ABCA13: variants seen among roughly 807,000 people sequenced by gnomAD.
ABCA13 encodes the protein ATP-binding cassette sub-family A member 13.
A neutral mutation model predicts 478.7 loss-of-function variants in ABCA13; 476 were observed. That is an observed-to-expected ratio of 0.99 (90% CI 0.92 to 1.07). The LOEUF is 1.07. ABCA13 is among the 50% of genes least tolerant of loss of function. The probability of loss-of-function intolerance (pLI) is 0.00; values close to 1 mark genes in which losing one functional copy is unlikely to be tolerated. For missense variants in ABCA13, 6,060 were observed against 5,910.6 expected, an observed-to-expected ratio of 1.03 and a Z score of -0.83; for synonymous variants, 2,252 against 2,158.9, an observed-to-expected ratio of 1.04 and a Z score of -1.20.
chr7:48,298,621 G>C, intron 23 of ABCA13, 134 bp downstream of exon 23: 1 of 1,038,772 alleles, frequency 9.6e-7, no homozygotes. Flanking sequence ...CTGCACAAAT[G>C]ATATAATTGG....
chr7:48,331,086 A>T (rs1805323984), intron 27 of ABCA13, among the ~76,000 whole-genome samples: 1 of 152,238 alleles, frequency 6.6e-6, no homozygotes, highest in South Asian at 2.1e-4. Flanking sequence ...CTAAGAAAAT[A>T]ATTGATATAA....
rs997924019 is a variant in ABCA13, at chr7:48,261,347, C to T, written c.2006-7633C>T. On this transcript the variant is annotated intron_variant, in intron 15 of 61. Transcript: ENST00000435803. Reference sequence around the variant, plus strand: ...TTTTCCTTCTCACTGATAAACTTTACGTTTCTTTTTTAGTCCAAATATTCT... The same window carrying T: ...TTTTCCTTCTCACTGATAAACTTTATGTTTCTTTTTTAGTCCAAATATTCT... 3.3e-4 allele frequency among the ~76,000 whole-genome samples: 50 copies of T among 151,784 alleles called. 2 individuals are homozygous for T. Among genetic ancestry groups the T allele is most frequent in the African/African-American group, 1.1e-3 (47 of 41,394 alleles).
intron 52 of ABCA13, 105 bp downstream of exon 52, chr7:48,516,986 A>G: frequency 8.1e-7 from 1 of 1,235,260 alleles, no homozygotes; most frequent in South Asian, 1.6e-5. Context: ...TTCAATGGAA[A>G]TGCATTGGTA....
At chr7:48,422,683 A>T (rs1009793326) in intron 41 of ABCA13, among the ~76,000 whole-genome samples, 2 of 152,206 alleles carry the variant, frequency 1.3e-5, no homozygotes, top group Non-Finnish European at 2.9e-5. Flanking sequence ...TAGTTCTAGG[A>T]CAGGCTGGAT....
rs373582454 is a variant in ABCA13, at chr7:48,369,795, C to T, written c.10803+1887C>T. On this transcript the variant is annotated intron_variant, in intron 32 of 61. Transcript: ENST00000435803. The stretch of plus-strand genomic sequence containing the variant: ...TACCATGCTATTTTGGTGACTATGT[C>T]CTTATAGTATAGTTTGAAGTCGGAT... 1.9e-4 allele frequency among the ~76,000 whole-genome samples: 29 copies of T among 152,198 alleles called. No individual in the cohort carries two copies. In the South Asian group the frequency reaches 4.8e-3, roughly 25 times the overall value.
intron 49 of ABCA13, 142 bp from the exon 50 acceptor site, chr7:48,507,730 C>T (rs1831335833): frequency 1.0e-6 from 1 of 958,448 alleles, no homozygotes; most frequent in Non-Finnish European, 1.5e-6. Context: ...ATGAGGGAAT[C>T]CATGCCCTTA....
intron 3 of ABCA13, among the ~76,000 whole-genome samples, chr7:48,207,810 T>C (rs190496023): frequency 6.6e-6 from 1 of 152,130 alleles, no homozygotes; most frequent in South Asian, 2.1e-4. Flanking sequence ...GAGCTTGATG[T>C]GATCCATTTG....
chr7:48,637,036 C>T (rs1015967778), intron 59 of ABCA13, among the ~76,000 whole-genome samples: 2 of 151,972 alleles, frequency 1.3e-5, no homozygotes, highest in Admixed American at 6.6e-5. Context: ...ATTTGCAAAG[C>T]CTTTGAAAAT....
intron 1 of ABCA13, among the ~76,000 whole-genome samples, chr7:48,175,049 G>T (rs776386834): frequency 2.0e-5 from 3 of 152,166 alleles, no homozygotes; most frequent in Non-Finnish European, 4.4e-5. Context: ...TGGGCAGGTG[G>T]AGATCAGTTG....
chr7:48,523,233 A>G (rs1012783521), intron 53 of ABCA13, among the ~76,000 whole-genome samples: 11 of 152,166 alleles, frequency 7.2e-5, no homozygotes, highest in African/African-American at 2.7e-4. Context: ...GTATCTAGCT[A>G]TATTTTTCTC....
intron 35 of ABCA13, among the ~76,000 whole-genome samples, chr7:48,381,100 T>C (rs2129043350): frequency 6.6e-6 from 1 of 152,274 alleles, no homozygotes; most frequent in African/African-American, 2.4e-5. Flanking sequence ...ACTTCCCCTG[T>C]CTCCTGACTG....
chr7:48,568,784 A>T (rs1392937049), intron 55 of ABCA13, among the ~76,000 whole-genome samples: 1 of 151,514 alleles, frequency 6.6e-6, no homozygotes, highest in African/African-American at 2.4e-5. Context: ...TATTGTTTTT[A>T]TTATTATTAT....
At chr7:48,301,204 G>C (rs922282229) in intron 23 of ABCA13, among the ~76,000 whole-genome samples, 5 of 151,912 alleles carry the variant, frequency 3.3e-5, no homozygotes, top group African/African-American at 1.2e-4. Flanking sequence ...TCTCTTCTGG[G>C]AGGCTCCTTC....
In ABCA13 at chr7:48,229,931, C is replaced by A. The variant is rs777893798; in HGVS notation, c.739C>A (p.Gln247Lys). 6.2e-7 allele frequency: 1 copy of A among 1,613,840 alleles called. No homozygotes were observed. The highest frequency in any genetic ancestry group is 1.3e-5 in the African/African-American group (1 of 74,924). Residue 247 changes from glutamine to lysine, a missense_variant, in exon 7 of 62, where the codon CAG becomes AAG. Physicochemically the swap from Gln to Lys is moderately conservative, Grantham distance 53. Transcript: ENST00000435803. The part of the protein sequence containing the change: ...NVTISTLTFL[Q>K]QHGVAVTEPV... ...GACCATTTCGACACTGACATTTCTG[C>A]AGCAACATGGAGTAGCAGTCACCGG...
chr7:48,344,555 C>T (rs1173228381), intron 29 of ABCA13, among the ~76,000 whole-genome samples: 5 of 152,194 alleles, frequency 3.3e-5, no homozygotes, highest in African/African-American at 9.7e-5. Context: ...TTATGTCCAC[C>T]TATATGTGAA....
At chr7:48,453,042 A>G (rs1167392742) in intron 42 of ABCA13, among the ~76,000 whole-genome samples, 1 of 152,238 alleles carries the variant, frequency 6.6e-6, no homozygotes, top group African/African-American at 2.4e-5. Flanking sequence ...TATAAAATTT[A>G]GTTTAATGAC....
In ABCA13 at chr7:48,623,099, C is replaced by T. The variant is rs1793311057; in HGVS notation, c.14837+7722C>T. Among the ~76,000 whole-genome samples, 7 of 152,306 alleles carry T rather than the reference C, an allele frequency of 4.6e-5. No individual in the cohort carries two copies. The South Asian group carries it at 1.5e-3, about 32-fold the overall frequency. The stretch of plus-strand genomic sequence containing the variant: ...GCTTCCTTCCTGCTGGAGCACTTCC[C>T]AGAGCCGTAAGCATGAACATGCAAA... On this transcript the variant is annotated intron_variant, in intron 59 of 61. Transcript: ENST00000435803.
At position 48,594,889 on chromosome 7, in the gene ABCA13, T is replaced by G. The variant is rs1394688962; in HGVS notation, c.14744+76T>G. On this transcript the variant is annotated intron_variant, in intron 58 of 61. Transcript: ENST00000435803. ...AGGTTAAGAAGTGCATTTAGGTACC[T>G]GCACAGTGTTACACATGGACATTTC... 3 of 1,195,330 alleles carry G rather than the reference T, an allele frequency of 2.5e-6. No individual in the cohort carries two copies. The Admixed American group carries it at 5.3e-5, about 21-fold the overall frequency. 74.0% of individuals were successfully genotyped at this position (1,195,330 alleles called of 1,614,324 possible).
At chr7:48,232,498 G>A (rs1789301359) in intron 7 of ABCA13, among the ~76,000 whole-genome samples, 1 of 152,094 alleles carries the variant, frequency 6.6e-6, no homozygotes, top group African/African-American at 2.4e-5. Context: ...ACTTTGAGAG[G>A]TAACTAAAAA....
Sources: gnomAD v4.1 joint callset for allele counts (sites outside exome capture counted in the v4.1 genomes callset) on GRCh38, gnomAD v4.1.1 for gene constraint, MANE v1.5 for transcripts, NCBI Gene and HGNC (gene_info 2026-07-23, HGNC 2026-07-21) for gene names.